Variants in FSHR observed in about 807,000 individuals in gnomAD.
The protein encoded by FSHR is follicle stimulating hormone receptor.
Under a neutral mutation model 52.1 loss-of-function variants are expected in FSHR, and 46 were observed. The observed-to-expected ratio is 0.88, with a 90% confidence interval of 0.70 to 1.13. The LOEUF (loss-of-function observed/expected upper bound fraction) is 1.13, where lower values mean the gene tolerates loss of function less well. FSHR is among the 50% of genes most tolerant of loss of function. The pLI is 0.00. For missense variants in FSHR, 964 were observed against 834.6 expected, an observed-to-expected ratio of 1.16 and a Z score of -1.91; for synonymous variants, 399 against 309.6, an observed-to-expected ratio of 1.29 and a Z score of -3.03.
intron 2 of FSHR, among the ~76,000 whole-genome samples, chr2:49,038,746 A>C (rs6545092): frequency 6.6e-6 from 1 of 150,886 alleles, no homozygotes; most frequent in Non-Finnish European, 1.5e-5. Flanking sequence ...TTGCGAGAGG[A>C]AGAGTAGAAT....
chr2:48,991,759 C>T (rs1025186779), intron 4 of FSHR, among the ~76,000 whole-genome samples: 3 of 152,196 alleles, frequency 2.0e-5, no homozygotes, highest in Non-Finnish European at 2.9e-5. Flanking sequence ...TGTCATTTCT[C>T]TAACACCTGT....
chr2:49,081,910 C>T (rs952195344), intron 1 of FSHR, among the ~76,000 whole-genome samples: 4 of 152,102 alleles, frequency 2.6e-5, no homozygotes, highest in African/African-American at 9.7e-5. Flanking sequence ...TGGAAGACAG[C>T]CAATATTCTT....
chr2:49,144,016 A>G (rs1160658588), intron 1 of FSHR, among the ~76,000 whole-genome samples: 2 of 152,138 alleles, frequency 1.3e-5, no homozygotes, highest in Admixed American at 6.5e-5. Flanking sequence ...CACCCAAGCA[A>G]AACCCCAAAG....
At chr2:49,150,551 C>G (rs1673026060) in intron 1 of FSHR, among the ~76,000 whole-genome samples, 1 of 152,072 alleles carries the variant, frequency 6.6e-6, no homozygotes, top group Non-Finnish European at 1.5e-5. Flanking sequence ...GCATCTCTGT[C>G]AGTTAGGCAC....
intron 1 of FSHR, among the ~76,000 whole-genome samples, chr2:49,074,543 G>C (rs1052416174): frequency 1.3e-5 from 2 of 152,004 alleles, no homozygotes; most frequent in African/African-American, 4.8e-5. Flanking sequence ...GAAGAGAAAA[G>C]GGAACACATA....
chr2:49,151,037 T>C (rs1673041755), intron 1 of FSHR, among the ~76,000 whole-genome samples: 1 of 152,112 alleles, frequency 6.6e-6, no homozygotes, highest in African/African-American at 2.4e-5. Context: ...TTAATTTACA[T>C]GTTGTTTATG....
In FSHR at chr2:48,963,778, G is replaced by C. The variant is rs386833510; in HGVS notation, c.1043C>G (p.Pro348Arg). 1.9e-6 allele frequency: 3 copies of C among 1,613,990 alleles called. No individual in the cohort carries two copies. Among genetic ancestry groups the C allele is most frequent in the African/African-American group, 1.3e-5 (1 of 74,898 alleles). The part of the protein sequence containing the change: ...CNEVVDVTCS[P>R]KPDAFNPCED... Reference sequence around the variant, plus strand: ...ACATGGGTTGAATGCATCTGGCTTAGGGGAGCAGGTCACGTCAACCACTTC... The same window carrying C: ...ACATGGGTTGAATGCATCTGGCTTACGGGAGCAGGTCACGTCAACCACTTC... Residue 348 changes from proline (P) to arginine (R), a missense_variant, in exon 10 of 10, where the codon CCT (proline) becomes CGT (arginine). Physicochemically the swap from Pro to Arg is moderately radical, Grantham distance 103. Transcript: ENST00000406846.
At chr2:48,964,746 T>C (rs981618327) in intron 9 of FSHR, among the ~76,000 whole-genome samples, 1 of 152,196 alleles carries the variant, frequency 6.6e-6, no homozygotes, top group Non-Finnish European at 1.5e-5. Flanking sequence ...GGGCTCACTT[T>C]ACTGTCTTGG....
chr2:49,021,508 G>A (rs1477649668), intron 2 of FSHR, among the ~76,000 whole-genome samples: 3 of 151,984 alleles, frequency 2.0e-5, no homozygotes, highest in African/African-American at 7.3e-5. Context: ...TAGCGGAAGA[G>A]TTCTAGAAAG....
chr2:48,989,354 C>G (rs1197512740), intron 5 of FSHR, among the ~76,000 whole-genome samples: 3 of 145,732 alleles, frequency 2.1e-5, no homozygotes, highest in Non-Finnish European at 3.0e-5. Flanking sequence ...GCCATCACAA[C>G]TCACTGTAGC....
intron 1 of FSHR, among the ~76,000 whole-genome samples, chr2:49,127,898 C>T (rs7568202): frequency 0.57 from 15,005 of 26,430 alleles, 3,963 homozygotes; most frequent in South Asian, 0.62. Context: ...TCTTCTTCTT[C>T]TTTTTTTTTT....
At chr2:49,013,465 T>A (rs1263869662) in intron 4 of FSHR, among the ~76,000 whole-genome samples, 1 of 122,016 alleles carries the variant, frequency 8.2e-6, no homozygotes, top group Admixed American at 1.0e-4. Context: ...TATATATAAA[T>A]ATATATATAT....
intron 8 of FSHR, among the ~76,000 whole-genome samples, chr2:48,981,085 C>T (rs1051460991): frequency 1.3e-5 from 2 of 152,176 alleles, no homozygotes; most frequent in Non-Finnish European, 2.9e-5. Flanking sequence ...ATTCATTTGT[C>T]TCCCGAGTAC....
chr2:49,043,485 A>G (rs982385294), intron 2 of FSHR, among the ~76,000 whole-genome samples: 1 of 152,162 alleles, frequency 6.6e-6, no homozygotes, highest in African/African-American at 2.4e-5. Context: ...AGCCAAACCT[A>G]AGTTATGTCT....
At chr2:48,992,026 T>C (rs999200969) in intron 4 of FSHR, among the ~76,000 whole-genome samples, 1 of 152,114 alleles carries the variant, frequency 6.6e-6, no homozygotes, top group African/African-American at 2.4e-5. Flanking sequence ...AATTTTTTTT[T>C]CTTTTTTTCC....
At chr2:48,968,972 G>C (rs1009275104) in intron 8 of FSHR, 89 bp from the exon 9 acceptor site, 4 of 1,154,542 alleles carry the variant, frequency 3.5e-6, no homozygotes, top group Non-Finnish European at 5.1e-6. Context: ...AGACACACTA[G>C]TGATATTCTT....
At chr2:48,981,624 T>G (rs1026439735) in intron 8 of FSHR, among the ~76,000 whole-genome samples, 8 of 152,198 alleles carry the variant, frequency 5.3e-5, no homozygotes, top group African/African-American at 1.9e-4. Flanking sequence ...TAAATCTACC[T>G]TGAAGTGTAT....
At chr2:49,014,780 T>G in intron 4 of FSHR, 1 of 318,970 alleles carries the variant, frequency 3.1e-6, no homozygotes. Context: ...TCTTCTTGGG[T>G]TTGTCCTTGG....
At chr2:49,063,314 A>G (rs1014301440) in intron 2 of FSHR, among the ~76,000 whole-genome samples, 4 of 152,166 alleles carry the variant, frequency 2.6e-5, no homozygotes, top group Admixed American at 2.6e-4. Context: ...AATCTTCATC[A>G]GTGCTGTAAA....
Sources: allele counts gnomAD v4.1 joint callset (sites outside exome capture counted in the v4.1 genomes callset), GRCh38; gene constraint gnomAD v4.1.1; transcripts MANE v1.5; gene names NCBI Gene and HGNC (gene_info 2026-07-23, HGNC 2026-07-21).